Variants in ZNF131 observed in about 807,000 individuals in gnomAD.
ZNF131 encodes zinc finger and BTB domain containing 35, also known as zinc finger protein 131.
Under a neutral mutation model 60.0 loss-of-function variants are expected in ZNF131, and 7 were observed. That is an observed-to-expected ratio of 0.12 (90% confidence interval 0.07 to 0.22). The LOEUF (loss-of-function observed/expected upper bound fraction) is 0.22, where lower values mean the gene tolerates loss of function less well. Among genes scored for constraint, ZNF131 ranks in the 10% least tolerant of loss-of-function variants. ZNF131 has a pLI of 1.00. For synonymous variants in ZNF131, 257 were observed against 253.2 expected (o/e 1.01, Z -0.14); for missense variants, 493 against 740.9 (o/e 0.67, Z 3.88).
intron 5 of ZNF131, among the ~76,000 whole-genome samples, chr5:43,170,989 G>A (rs960584253): frequency 2.0e-5 from 3 of 150,104 alleles, no homozygotes; most frequent in African/African-American, 7.4e-5. Context: ...CTGTCGCCCA[G>A]GCTGGAGTGC....
chr5:43,138,408 CTT>C (rs1746402901), intron 3 of ZNF131, among the ~76,000 whole-genome samples: 1 of 152,090 alleles, frequency 6.6e-6, no homozygotes, highest in Non-Finnish European at 1.5e-5. Context: ...AATCCCAGCA[CTT>C]TGGGAGGCTG....
intron 3 of ZNF131, among the ~76,000 whole-genome samples, chr5:43,134,977 A>C (rs575194647): frequency 6.7e-6 from 1 of 149,614 alleles, no homozygotes; most frequent in South Asian, 2.1e-4. Flanking sequence ...GATTGCAGGC[A>C]TGAGCCACCG....
chr5:43,138,034 A>C (rs762184439), intron 3 of ZNF131, among the ~76,000 whole-genome samples: 3 of 152,202 alleles, frequency 2.0e-5, no homozygotes, highest in Admixed American at 1.3e-4. Flanking sequence ...CACTCATATG[A>C]GCTATCTCAA....
chr5:43,169,865 A>G (rs1364766148), intron 5 of ZNF131, among the ~76,000 whole-genome samples: 2 of 151,156 alleles, frequency 1.3e-5, no homozygotes, highest in Admixed American at 6.6e-5. Context: ...ATCTAGGCTC[A>G]CTGCAACCTC....
chr5:43,140,743 G>A (rs1012798131), intron 4 of ZNF131, among the ~76,000 whole-genome samples: 2 of 152,140 alleles, frequency 1.3e-5, no homozygotes, highest in Non-Finnish European at 2.9e-5. Flanking sequence ...TTGAGATGGA[G>A]TCTTGCTCTG....
intron 4 of ZNF131, among the ~76,000 whole-genome samples, chr5:43,160,196 AAAAC>A (rs961056521): frequency 3.3e-5 from 5 of 149,338 alleles, no homozygotes; most frequent in African/African-American, 4.9e-5. Context: ...AACAAAAAAA[AAAAC>A]AAAAAAAGAA....
chr5:43,129,292 G>C (rs1456688678), intron 3 of ZNF131, among the ~76,000 whole-genome samples: 2 of 152,138 alleles, frequency 1.3e-5, no homozygotes, highest in East Asian at 1.9e-4. Context: ...TGCTGGTCTT[G>C]AACTACCAGC....
At chr5:43,133,635 A>C (rs1401141097) in intron 3 of ZNF131, among the ~76,000 whole-genome samples, 1 of 152,228 alleles carries the variant, frequency 6.6e-6, no homozygotes, top group African/African-American at 2.4e-5. Flanking sequence ...TCATTATCAG[A>C]ATGGGTACAG....
intron 3 of ZNF131, among the ~76,000 whole-genome samples, chr5:43,125,601 T>C (rs1744436101): frequency 6.6e-6 from 1 of 151,710 alleles, no homozygotes; most frequent in East Asian, 2.0e-4. Context: ...ACCAACATGG[T>C]GAAACCCTGT....
intron 5 of ZNF131, among the ~76,000 whole-genome samples, chr5:43,171,732 G>T (rs990485081): frequency 2.0e-5 from 3 of 152,042 alleles, no homozygotes; most frequent in African/African-American, 7.3e-5. Flanking sequence ...AAGCAGTTCT[G>T]TCTCAGCCTC....
At chr5:43,122,248 T>G (rs1197209747) in intron 2 of ZNF131, 71 bp downstream of exon 2, 1 of 147,970 alleles carries the variant, frequency 6.8e-6, no homozygotes, top group Non-Finnish European at 1.1e-5. Flanking sequence ...ACACCCGCCT[T>G]TTTTTTTTTT....
intron 5 of ZNF131, among the ~76,000 whole-genome samples, chr5:43,164,111 G>A (rs544777261): frequency 6.6e-6 from 1 of 152,246 alleles, no homozygotes; most frequent in South Asian, 2.1e-4. Context: ...TTGCAAACAT[G>A]TATATATACA....
At chr5:43,163,134 C>T (rs1279684088) in intron 5 of ZNF131, among the ~76,000 whole-genome samples, 1 of 151,394 alleles carries the variant, frequency 6.6e-6, no homozygotes, top group Non-Finnish European at 1.5e-5. Flanking sequence ...CACCACGCCC[C>T]TGGCTAATTT....
intron 4 of ZNF131, among the ~76,000 whole-genome samples, chr5:43,145,192 C>CT (rs1378971684): frequency 1.3e-5 from 2 of 152,096 alleles, no homozygotes; most frequent in Non-Finnish European, 2.9e-5. Flanking sequence ...TCTAAAATCT[C>CT]TTTCCTTGCT....
At position 43,175,601 on chromosome 5, in the gene ZNF131, C is replaced by G; in HGVS notation, c.*468C>G. 1 of 563,586 alleles carries G rather than the reference C, an allele frequency of 1.8e-6. No individual in the cohort carries two copies. Among genetic ancestry groups the G allele is most frequent in the Non-Finnish European group, 3.1e-6 (1 of 322,112 alleles). The allele number at this position is 563,586 out of a possible 1,614,324, so 34.9% of individuals were successfully genotyped here. ...TGATGAAAAGTGCATTGTTACTGTG[C>G]AGTTAAATTTTGGCTTCTGGCTTTC... On this transcript the variant is annotated 3_prime_UTR_variant, in exon 7 of 7. Coordinates refer to ENST00000682664, the MANE Select transcript of ZNF131 (RefSeq NM_001330707.2).
chr5:43,148,198 C>T (rs1397812681), intron 4 of ZNF131, among the ~76,000 whole-genome samples: 1 of 151,068 alleles, frequency 6.6e-6, no homozygotes. Flanking sequence ...ATGGTGAGAC[C>T]CTATCTCTAC....
intron 6 of ZNF131, 106 bp downstream of exon 6, chr5:43,173,554 G>A (rs1266077311): frequency 1.5e-6 from 2 of 1,352,286 alleles, no homozygotes; most frequent in Admixed American, 5.3e-5. Context: ...GGGGCTGACG[G>A]TTTGGAAAGA....
intron 4 of ZNF131, among the ~76,000 whole-genome samples, chr5:43,148,247 C>T (rs1747876777): frequency 6.6e-6 from 1 of 151,678 alleles, no homozygotes; most frequent in Non-Finnish European, 1.5e-5. Flanking sequence ...TGTGTGGTGG[C>T]ACATGCCTGT....
chr5:43,149,039 G>T (rs1053803674), intron 4 of ZNF131, among the ~76,000 whole-genome samples: 4 of 152,208 alleles, frequency 2.6e-5, no homozygotes, highest in Non-Finnish European at 5.9e-5. Context: ...CAGCACTTTG[G>T]CAGGCCGAGG....
Sources: allele counts gnomAD v4.1 joint callset (sites outside exome capture counted in the v4.1 genomes callset), GRCh38; gene constraint gnomAD v4.1.1; transcripts MANE v1.5; gene names NCBI Gene and HGNC (gene_info 2026-07-23, HGNC 2026-07-21).